Variants in ENOX1 observed in about 807,000 individuals in gnomAD.
ENOX1 encodes the protein candidate growth-related and time keeping constitutive hydroquinone (NADH) oxidase.
ENOX1 carries 42 observed loss-of-function variants against 82.5 expected under a neutral mutation model. That is an observed-to-expected ratio of 0.51 (90% CI 0.40 to 0.66). The LOEUF (loss-of-function observed/expected upper bound fraction) is 0.66. ENOX1 is among the 30% of genes least tolerant of loss of function. The pLI is 0.00. For missense variants in ENOX1, 608 were observed against 811.6 expected, an observed-to-expected ratio of 0.75 and a Z score of 3.05; for synonymous variants, 271 against 282.2, an observed-to-expected ratio of 0.96 and a Z score of 0.40.
At chr13:43,764,029 A>T (rs1442373008) in intron 1 of ENOX1, among the ~76,000 whole-genome samples, 1 of 152,200 alleles carries the variant, frequency 6.6e-6, no homozygotes, top group Non-Finnish European at 1.5e-5. Flanking sequence ...CAGGTAGCCC[A>T]GTTTAATGTT....
intron 2 of ENOX1, among the ~76,000 whole-genome samples, chr13:43,617,086 G>A (rs1417819116): frequency 6.6e-6 from 1 of 152,180 alleles, no homozygotes; most frequent in African/African-American, 2.4e-5. Flanking sequence ...CTGTATGAGA[G>A]AGAGATCTAG....
Position 43,695,509 on chromosome 13 carries a change from G to A in ENOX1, c.-284-27965C>T, listed in dbSNP as rs144921073. Among the ~76,000 whole-genome samples the A allele has an allele frequency of 9.2e-3, 1,354 of 146,398 alleles. 19 individuals are homozygous for A. Among genetic ancestry groups the A allele is most frequent in the African/African-American group, 0.032 (1,282 of 39,542 alleles). ...GTCACCCAGGCTGAAGTGCAGTGGCGTGATCTCAGCTTATTGCAACCTCCA... is the reference window on the plus strand; with the variant it reads ...GTCACCCAGGCTGAAGTGCAGTGGCATGATCTCAGCTTATTGCAACCTCCA... On this transcript the variant is annotated intron_variant, in intron 1 of 16. Transcript: ENST00000690772.
chr13:43,511,821 T>A (rs1015915881), intron 2 of ENOX1, among the ~76,000 whole-genome samples: 2 of 152,100 alleles, frequency 1.3e-5, no homozygotes, highest in Non-Finnish European at 2.9e-5. Context: ...ATCTTCCAGG[T>A]TCATTCTAGG....
At chr13:43,256,551 GA>G (rs36062750) in intron 14 of ENOX1, among the ~76,000 whole-genome samples, 1 of 150,120 alleles carries the variant, frequency 6.7e-6, no homozygotes, top group South Asian at 2.1e-4. Context: ...CAGTTTTATG[GA>G]AAAAAAAAGA....
intron 2 of ENOX1, among the ~76,000 whole-genome samples, chr13:43,654,276 T>G (rs998769708): frequency 6.6e-6 from 1 of 152,206 alleles, no homozygotes; most frequent in Non-Finnish European, 1.5e-5. Context: ...GTTTCTAGCC[T>G]GCTAACTTGC....
intron 13 of ENOX1, 79 bp downstream of exon 13, chr13:43,269,391 T>C: frequency 9.1e-7 from 1 of 1,095,788 alleles, no homozygotes; most frequent in Non-Finnish European, 1.4e-6. Flanking sequence ...AGTAAATGTT[T>C]GCACGGGTGA....
intron 1 of ENOX1, among the ~76,000 whole-genome samples, chr13:43,780,452 T>C (rs568387721): frequency 6.6e-6 from 1 of 152,314 alleles, no homozygotes; most frequent in East Asian, 1.9e-4. Flanking sequence ...TAACCTTTTA[T>C]CAGCTTTTAC....
At chr13:43,370,298 C>T (rs542164472) in intron 5 of ENOX1, among the ~76,000 whole-genome samples, 14 of 151,942 alleles carry the variant, frequency 9.2e-5, no homozygotes, top group South Asian at 2.1e-4. Context: ...ACCTGGGAGG[C>T]GGAGCTTGTA....
intron 2 of ENOX1, among the ~76,000 whole-genome samples, chr13:43,636,820 C>A (rs2083432186): frequency 6.6e-6 from 1 of 152,044 alleles, no homozygotes; most frequent in Non-Finnish European, 1.5e-5. Flanking sequence ...AAAGAAGGTG[C>A]AGCTTTGAGA....
chr13:43,359,756 CTT>C, intron 7 of ENOX1, 93 bp downstream of exon 7: 2 of 1,220,866 alleles, frequency 1.6e-6, no homozygotes, highest in Non-Finnish European at 2.3e-6. Flanking sequence ...ACTATGAAGA[CTT>C]TATTTTGCAT....
chr13:43,686,803 T>C (rs1333172401), intron 1 of ENOX1, among the ~76,000 whole-genome samples: 1 of 152,172 alleles, frequency 6.6e-6, no homozygotes, highest in African/African-American at 2.4e-5. Flanking sequence ...CATCCGAGTA[T>C]GTCAAAGAAA....
chr13:43,599,228 T>C (rs2081599279), intron 2 of ENOX1, among the ~76,000 whole-genome samples: 3 of 152,074 alleles, frequency 2.0e-5, no homozygotes, highest in Non-Finnish European at 4.4e-5. Context: ...CAGTACCTGG[T>C]TTTAAATTTA....
chr13:43,414,604 A>G (rs573030930), intron 3 of ENOX1, among the ~76,000 whole-genome samples: 1 of 152,248 alleles, frequency 6.6e-6, no homozygotes, highest in South Asian at 2.1e-4. Flanking sequence ...ATCTCAAAGC[A>G]CTTCTCTCTC....
At chr13:43,305,516 G>A (rs932729977) in intron 11 of ENOX1, among the ~76,000 whole-genome samples, 2 of 151,950 alleles carry the variant, frequency 1.3e-5, no homozygotes, top group Admixed American at 1.3e-4. Context: ...TACGATGATG[G>A]CTTAAATGTG....
intron 5 of ENOX1, 145 bp from the exon 6 acceptor site, chr13:43,361,597 C>G: frequency 7.1e-6 from 5 of 708,830 alleles, no homozygotes; most frequent in Non-Finnish European, 1.1e-5. Flanking sequence ...TTATAGAAAG[C>G]TATGCCAGAA....
intron 4 of ENOX1, 133 bp from the exon 5 acceptor site, chr13:43,412,186 A>C: frequency 3.0e-6 from 3 of 997,108 alleles, no homozygotes; most frequent in Admixed American, 2.7e-5. Flanking sequence ...AAGAACTATA[A>C]TCTGCAGCAA....
chr13:43,488,432 C>T (rs937965960), intron 2 of ENOX1, among the ~76,000 whole-genome samples: 2 of 152,182 alleles, frequency 1.3e-5, no homozygotes, highest in African/African-American at 2.4e-5. Context: ...AACTTTCTAG[C>T]CTCCAGGACT....
At chr13:43,477,192 A>T (rs1442961060) in intron 3 of ENOX1, among the ~76,000 whole-genome samples, 1 of 150,118 alleles carries the variant, frequency 6.7e-6, no homozygotes, top group Non-Finnish European at 1.5e-5. Context: ...GTATACACAC[A>T]TATATATAGA....
chr13:43,493,212 G>T (rs936100051), intron 2 of ENOX1, among the ~76,000 whole-genome samples: 1 of 151,990 alleles, frequency 6.6e-6, no homozygotes, highest in Admixed American at 6.6e-5. Flanking sequence ...TGTTGAGATA[G>T]AACTGATAGG....
Sources: gnomAD v4.1 joint callset for allele counts (sites outside exome capture counted in the v4.1 genomes callset) on GRCh38, gnomAD v4.1.1 for gene constraint, MANE v1.5 for transcripts, NCBI Gene and HGNC (gene_info 2026-07-23, HGNC 2026-07-21) for gene names.